SV2C: variants seen among roughly 807,000 people sequenced by gnomAD.
SV2C encodes solute carrier family 22 member B3.
Under a neutral mutation model 79.7 loss-of-function variants are expected in SV2C, and 49 were observed. The observed-to-expected ratio is 0.61, with a 90% CI of 0.49 to 0.78. The LOEUF is 0.78. Ranked by LOEUF, SV2C falls within the 30% of genes least tolerant of loss-of-function variation. The pLI is 0.00. For synonymous variants in SV2C, 334 were observed against 333.2 expected (o/e 1.00, Z -0.03); for missense variants, 833 against 912.9 (o/e 0.91, Z 1.13).
At chr5:76,059,487 C>CTTTTT in the SV2C span, among the ~76,000 whole-genome samples, 2 of 149,118 alleles carry the variant, frequency 1.3e-5, no homozygotes, top group Non-Finnish European at 1.5e-5. Context: ...TGAAGAAATC[C>CTTTTT]TTTTTTTTTT....
At chr5:76,208,338 G>A (rs1355357437) in intron 3 of SV2C, among the ~76,000 whole-genome samples, 1 of 151,948 alleles carries the variant, frequency 6.6e-6, no homozygotes. Context: ...GCTCTTTACC[G>A]TTTATAGCTA....
the SV2C span, among the ~76,000 whole-genome samples, chr5:75,969,747 A>G: frequency 6.6e-6 from 1 of 152,126 alleles, no homozygotes; most frequent in South Asian, 2.1e-4. Flanking sequence ...CCCCACTGTC[A>G]ACATTAGACA....
intron 2 of SV2C, among the ~76,000 whole-genome samples, chr5:76,163,540 A>T (rs971688256): frequency 2.0e-5 from 3 of 151,958 alleles, no homozygotes; most frequent in Non-Finnish European, 2.9e-5. Context: ...CTAGTTTATA[A>T]CCACCTGTAC....
chr5:75,910,984 G>A, the SV2C span: 1 of 937,524 alleles, frequency 1.1e-6, no homozygotes, highest in African/African-American at 1.6e-5. Context: ...GAACATCTAT[G>A]GCCTCCAGTC....
At chr5:76,098,113 A>C (rs1747626256) in intron 1 of SV2C, among the ~76,000 whole-genome samples, 1 of 152,158 alleles carries the variant, frequency 6.6e-6, no homozygotes, top group Admixed American at 6.5e-5. Flanking sequence ...CTGCTTCAAC[A>C]ACTGTGGGAG....
the SV2C span, among the ~76,000 whole-genome samples, chr5:75,967,393 G>A: frequency 5.3e-5 from 8 of 152,294 alleles, no homozygotes; most frequent in South Asian, 4.1e-4. Flanking sequence ...CCCGGGAAGC[G>A]CAAGGGGTCA....
chr5:75,994,238 GC>G, the SV2C span, among the ~76,000 whole-genome samples: 7 of 152,100 alleles, frequency 4.6e-5, no homozygotes, highest in African/African-American at 1.7e-4. Context: ...TGAGGAGAAA[GC>G]CGGACAGACG....
chr5:75,851,386 T>C, the SV2C span, among the ~76,000 whole-genome samples: 1 of 152,206 alleles, frequency 6.6e-6, no homozygotes, highest in African/African-American at 2.4e-5. Flanking sequence ...CAAAAGACCA[T>C]ATTCTTTTCA....
the SV2C span, among the ~76,000 whole-genome samples, chr5:75,882,478 C>T: frequency 6.6e-6 from 1 of 151,854 alleles, no homozygotes; most frequent in Non-Finnish European, 1.5e-5. Flanking sequence ...CTGGAGGCAT[C>T]ATGCTACCTG....
chr5:76,339,448 C>T (rs1448396951), intron 12 of SV2C, among the ~76,000 whole-genome samples: 1 of 152,168 alleles, frequency 6.6e-6, no homozygotes, highest in East Asian at 1.9e-4. Flanking sequence ...GGCATGGTGG[C>T]TCACGCCTAT....
At chr5:76,149,035 A>T (rs1047534946) in intron 2 of SV2C, among the ~76,000 whole-genome samples, 13 of 152,140 alleles carry the variant, frequency 8.5e-5, no homozygotes, top group African/African-American at 1.4e-4. Flanking sequence ...TTAAAAAATT[A>T]TTTGTTGTTG....
intron 1 of SV2C, among the ~76,000 whole-genome samples, chr5:76,097,697 C>G (rs1244265676): frequency 6.6e-6 from 1 of 152,034 alleles, no homozygotes; most frequent in East Asian, 1.9e-4. Flanking sequence ...TTACTAGGTG[C>G]TTTTGAACAT....
intron 2 of SV2C, 42 bp from the exon 3 acceptor site, chr5:76,194,877 T>G: frequency 6.2e-7 from 1 of 1,600,768 alleles, no homozygotes; most frequent in Non-Finnish European, 8.5e-7. Flanking sequence ...TGTCATTGAC[T>G]CCCAACCTCT....
At chr5:76,064,656 C>T in the SV2C span, among the ~76,000 whole-genome samples, 2 of 152,066 alleles carry the variant, frequency 1.3e-5, no homozygotes, top group East Asian at 3.9e-4. Flanking sequence ...CAAGGAAGGG[C>T]CCCATCGTTT....
chr5:76,257,201 A>G (rs1295729608), intron 4 of SV2C, among the ~76,000 whole-genome samples: 1 of 152,006 alleles, frequency 6.6e-6, no homozygotes, highest in Non-Finnish European at 1.5e-5. Context: ...ATTAATCTTT[A>G]TACTTATTGT....
the SV2C span, among the ~76,000 whole-genome samples, chr5:76,046,308 T>C: frequency 6.6e-6 from 1 of 152,002 alleles, no homozygotes; most frequent in Non-Finnish European, 1.5e-5. Flanking sequence ...AGTGCTAAAA[T>C]ATGCTAAAAT....
intron 4 of SV2C, among the ~76,000 whole-genome samples, chr5:76,232,311 G>T (rs1265519550): frequency 1.1e-4 from 16 of 150,206 alleles, no homozygotes; most frequent in East Asian, 1.9e-4. Context: ...TAAATTTGTT[G>T]GAGTTCATTG....
At chr5:76,079,002 A>G, upstream of SV2C, 2 of 451,174 alleles carry the variant, frequency 4.4e-6, no homozygotes, top group Admixed American at 2.6e-5. Context: ...TGAAGCGATT[A>G]CCACCTGTAG....
chr5:76,221,336 A>G (rs1229894381), intron 4 of SV2C, among the ~76,000 whole-genome samples: 1 of 152,204 alleles, frequency 6.6e-6, no homozygotes. Context: ...AGACCCAAAG[A>G]AAACACTTAC....
Sources: allele counts gnomAD v4.1 joint callset (sites outside exome capture counted in the v4.1 genomes callset), GRCh38; gene constraint gnomAD v4.1.1; transcripts MANE v1.5; gene names NCBI Gene and HGNC (gene_info 2026-07-23, HGNC 2026-07-21).